The following EXOC6B variants were observed in gnomAD, a reference collection of about 807,000 sequenced individuals.
EXOC6B encodes SEC15 homolog B.
A neutral mutation model predicts 113.5 loss-of-function variants in EXOC6B; 54 were observed. That is an observed-to-expected ratio of 0.48 (90% confidence interval 0.38 to 0.60). EXOC6B has a LOEUF of 0.60. Ranked by LOEUF, EXOC6B falls within the 20% of genes least tolerant of loss-of-function variation. The pLI, the probability that EXOC6B is intolerant of heterozygous loss-of-function variation, is 0.00. For synonymous variants in EXOC6B, 357 were observed against 339.0 expected, an observed-to-expected ratio of 1.05 and a Z score of -0.58; for missense variants, 797 against 977.5, an observed-to-expected ratio of 0.82 and a Z score of 2.46.
chr2:72,198,810 T>C (rs1012602247), intron 20 of EXOC6B, among the ~76,000 whole-genome samples: 6 of 152,194 alleles, frequency 3.9e-5, no homozygotes, highest in Admixed American at 3.3e-4. Flanking sequence ...TGCCAGTACT[T>C]ACACAATTCA....
chr2:72,311,737 T>G (rs1019052875), intron 20 of EXOC6B, among the ~76,000 whole-genome samples: 5 of 152,044 alleles, frequency 3.3e-5, no homozygotes, highest in South Asian at 2.1e-4. Context: ...CACAAACAGA[T>G]GTATATTTTC....
chr2:72,255,245 T>C (rs1256077132), intron 20 of EXOC6B, among the ~76,000 whole-genome samples: 1 of 152,170 alleles, frequency 6.6e-6, no homozygotes, highest in Admixed American at 6.5e-5. Context: ...TAAAGAATGC[T>C]GTATCAGCAG....
intron 20 of EXOC6B, among the ~76,000 whole-genome samples, chr2:72,308,142 A>G (rs1406674717): frequency 6.6e-6 from 1 of 152,146 alleles, no homozygotes; most frequent in African/African-American, 2.4e-5. Flanking sequence ...AAAGACCACA[A>G]CACCTCAATA....
chr2:72,208,745 C>T (rs1017991331), intron 20 of EXOC6B, among the ~76,000 whole-genome samples: 1 of 152,102 alleles, frequency 6.6e-6, no homozygotes, highest in Non-Finnish European at 1.5e-5. Context: ...ACACCAGTTC[C>T]AAAGAGCTCT....
At chr2:72,222,497 C>G (rs1001677532) in intron 20 of EXOC6B, among the ~76,000 whole-genome samples, 2 of 152,146 alleles carry the variant, frequency 1.3e-5, no homozygotes, top group Non-Finnish European at 2.9e-5. Flanking sequence ...TTGAGTGTCA[C>G]TGTATCTAGT....
At chr2:72,764,364 CTTTTTTTTTTTTTT>C (rs397869115) in intron 1 of EXOC6B, among the ~76,000 whole-genome samples, 15 of 66,814 alleles carry the variant, frequency 2.2e-4, no homozygotes, top group African/African-American at 5.7e-4. Flanking sequence ...TATTTTCTCT[CTTTTTTTTTTTTTT>C]TTTTTTTTTT....
At chr2:72,484,737 G>A (rs1293843171) in intron 16 of EXOC6B, among the ~76,000 whole-genome samples, 2 of 152,104 alleles carry the variant, frequency 1.3e-5, no homozygotes, top group African/African-American at 4.8e-5. Flanking sequence ...TGCTGAGGAT[G>A]ATGGCTTCCA....
At chr2:72,729,948 T>C (rs1436754449) in intron 5 of EXOC6B, among the ~76,000 whole-genome samples, 1 of 152,178 alleles carries the variant, frequency 6.6e-6, no homozygotes, top group Non-Finnish European at 1.5e-5. Flanking sequence ...ATTAAATATA[T>C]TTTAATTGTA....
At chr2:72,382,870 T>C (rs1320939752) in intron 18 of EXOC6B, among the ~76,000 whole-genome samples, 1 of 152,198 alleles carries the variant, frequency 6.6e-6, no homozygotes, top group African/African-American at 2.4e-5. Flanking sequence ...TTTTTGTACA[T>C]TGATTTTGTG....
intron 18 of EXOC6B, among the ~76,000 whole-genome samples, chr2:72,391,887 T>C (rs1037988585): frequency 6.6e-6 from 1 of 152,180 alleles, no homozygotes; most frequent in Non-Finnish European, 1.5e-5. Context: ...TTTATCACTC[T>C]GTGTGTTTCA....
chr2:72,719,733 A>AATT (rs1679874084), intron 5 of EXOC6B, among the ~76,000 whole-genome samples: 1 of 152,244 alleles, frequency 6.6e-6, no homozygotes, highest in Admixed American at 6.5e-5. Context: ...TTGCTAGATA[A>AATT]ACAAAGACAG....
At chr2:72,788,693 G>C (rs994475781) in intron 1 of EXOC6B, among the ~76,000 whole-genome samples, 7 of 152,200 alleles carry the variant, frequency 4.6e-5, no homozygotes, top group Non-Finnish European at 1.0e-4. Context: ...AGCTACTCCA[G>C]AGGCTGAGGT....
At chr2:72,425,713 ATCACCAATCCT>A (rs1695164774) in intron 18 of EXOC6B, among the ~76,000 whole-genome samples, 1 of 152,134 alleles carries the variant, frequency 6.6e-6, no homozygotes, top group African/African-American at 2.4e-5. Flanking sequence ...TAACATGTTA[ATCACCAATCCT>A]TCTAGATGGT....
At chr2:72,392,797 G>T (rs920324928) in intron 18 of EXOC6B, among the ~76,000 whole-genome samples, 1 of 152,068 alleles carries the variant, frequency 6.6e-6, no homozygotes, top group East Asian at 1.9e-4. Flanking sequence ...ATTACAATGG[G>T]TCCACATTAG....
At chr2:72,288,689 AAT>A (rs139372769) in intron 20 of EXOC6B, 5,544 of 75,782 alleles carry the variant, frequency 0.073, 334 homozygotes, top group African/African-American at 0.39. Flanking sequence ...ATCTGATAGA[AAT>A]ATATATATAT....
chr2:72,559,055 G>A (rs2103690677), intron 8 of EXOC6B, among the ~76,000 whole-genome samples: 1 of 152,256 alleles, frequency 6.6e-6, no homozygotes, highest in African/African-American at 2.4e-5. Flanking sequence ...CCCCCACACA[G>A]AGAGGTTCCC....
chr2:72,498,365 A>G (rs1013609739), intron 13 of EXOC6B, 89 bp downstream of exon 13: 14 of 808,838 alleles, frequency 1.7e-5, no homozygotes, highest in East Asian at 2.7e-5. Context: ...CTTGTTGCCT[A>G]TAACATCTGA....
intron 19 of EXOC6B, among the ~76,000 whole-genome samples, chr2:72,371,382 G>A (rs1691007190): frequency 6.6e-6 from 1 of 152,002 alleles, no homozygotes; most frequent in African/African-American, 2.4e-5. Context: ...AAGACACATC[G>A]AAAAAGAAAA....
chr2:72,628,190 T>C (rs531732691), intron 6 of EXOC6B, among the ~76,000 whole-genome samples: 7 of 151,414 alleles, frequency 4.6e-5, no homozygotes, highest in Admixed American at 1.3e-4. Context: ...AGAAGCACAA[T>C]CATAGCTCAC....
Sources: gnomAD v4.1 joint callset for allele counts (sites outside exome capture counted in the v4.1 genomes callset) on GRCh38, gnomAD v4.1.1 for gene constraint, MANE v1.5 for transcripts, NCBI Gene and HGNC (gene_info 2026-07-23, HGNC 2026-07-21) for gene names.